Variants in PRKCB observed in about 807,000 individuals in gnomAD.
PRKCB encodes protein kinase C beta type.
PRKCB carries 13 observed loss-of-function variants against 81.5 expected under a neutral mutation model. The observed-to-expected ratio is 0.16, with a 90% confidence interval of 0.10 to 0.25. The LOEUF (loss-of-function observed/expected upper bound fraction) is 0.25, where lower values mean the gene tolerates loss of function less well. PRKCB is among the 10% of genes least tolerant of loss of function. PRKCB has a pLI of 1.00. For synonymous variants in PRKCB, 335 were observed against 321.4 expected (o/e 1.04, Z -0.45); for missense variants, 509 against 875.7 (o/e 0.58, Z 5.29).
chr16:24,029,854 G>T (rs533640876), intron 3 of PRKCB, among the ~76,000 whole-genome samples: 6 of 152,182 alleles, frequency 3.9e-5, no homozygotes, highest in Non-Finnish European at 5.9e-5. Context: ...ATCAGCCCTG[G>T]ATTGGAACCT....
In PRKCB at chr16:23,875,751, C is replaced by CAT. The variant is rs773766519; in HGVS notation, c.205+38350_205+38351dup. ...CACATATATATGTATGTATATCACA[C>CAT]ATATATGTATGTATATCACACATAT... On this transcript the variant is annotated intron_variant, in intron 2 of 16. Transcript: ENST00000643927. Among the ~76,000 whole-genome samples the CAT allele has an allele frequency of 3.4e-3, 331 of 95,996 alleles. 23 individuals are homozygous for CAT. In the East Asian group the frequency reaches 0.036, roughly 10 times the overall value. 63.0% of individuals were successfully genotyped at this position (95,996 alleles called of 152,430 possible).
chr16:23,854,937 A>G (rs1962538440), intron 2 of PRKCB, among the ~76,000 whole-genome samples: 1 of 152,146 alleles, frequency 6.6e-6, no homozygotes. Context: ...CCTACCTCCT[A>G]GGGAAATGGT....
intron 2 of PRKCB, among the ~76,000 whole-genome samples, chr16:23,982,631 G>A (rs1376739312): frequency 2.0e-5 from 3 of 151,852 alleles, no homozygotes; most frequent in African/African-American, 4.8e-5. Context: ...GTCTTGCCAT[G>A]TTGCCCAGGA....
chr16:23,963,994 G>A (rs2141793978), intron 2 of PRKCB, among the ~76,000 whole-genome samples: 1 of 152,200 alleles, frequency 6.6e-6, no homozygotes, highest in African/African-American at 2.4e-5. Flanking sequence ...ACAGTAGTAG[G>A]GCTAGACATT....
chr16:24,151,815 T>TAAA (rs1430949010), intron 9 of PRKCB: 1 of 456,012 alleles, frequency 2.2e-6, no homozygotes, highest in South Asian at 1.5e-5. Context: ...TGAAGCAAGT[T>TAAA]AATCTCCCTG....
rs377023584 is a variant in PRKCB at position 24,152,011 on chromosome 16, TTGGTTGGGGG to T, written c.1066-2672_1066-2663del. Among the ~76,000 whole-genome samples, 1,372 of 152,180 alleles carry T rather than the reference TTGGTTGGGGG, an allele frequency of 9.0e-3. 28 individuals carry two copies. The highest frequency in any genetic ancestry group is 0.031 in the African/African-American group (1,298 of 41,528). On this transcript the variant is annotated intron_variant, in intron 9 of 16. Transcript: ENST00000643927. ...GTCTAGGGCCCCTCCTTCTCTCGTT[TTGGTTGGGGG>T]AATGGGAGATAGTTGCAGATATTCA...
chr16:24,199,459 A>G (rs1246373048), intron 16 of PRKCB, among the ~76,000 whole-genome samples: 1 of 152,164 alleles, frequency 6.6e-6, no homozygotes, highest in Non-Finnish European at 1.5e-5. Flanking sequence ...GAATCCAGAA[A>G]GTGTAACCTT....
intron 5 of PRKCB, among the ~76,000 whole-genome samples, chr16:24,066,931 C>G (rs930439085): frequency 1.3e-5 from 2 of 152,122 alleles, no homozygotes; most frequent in Non-Finnish European, 2.9e-5. Context: ...CTCATTGCAG[C>G]CTTGAACTCC....
chr16:23,847,456 CCATCCATCCATCCAT>C (rs1476661511), intron 2 of PRKCB, among the ~76,000 whole-genome samples: 16 of 148,818 alleles, frequency 1.1e-4, no homozygotes, highest in Non-Finnish European at 6.0e-5. Context: ...ATCCATCCAT[CCATCCATCCATCCAT>C]CCATCCACCC....
chr16:24,219,901 A>G lies in PRKCB; in HGVS notation c.*5085A>G, dbSNP rs1968295558. 1 of 1,584,038 alleles carries G rather than the reference A, an allele frequency of 6.3e-7. No individual in the cohort carries two copies. The highest frequency in any genetic ancestry group is 8.6e-7 in the Non-Finnish European group (1 of 1,163,288). On this transcript the variant is annotated 3_prime_UTR_variant, in exon 17 of 17. Coordinates refer to ENST00000643927, the MANE Select transcript of PRKCB (RefSeq NM_002738.7). ...GTATCAGCCACCCAATGACTGGCGT[A>G]TCTTGGTCCTGTGTCTTTCTTCTTA...
At chr16:23,903,370 C>T (rs367868355) in intron 2 of PRKCB, among the ~76,000 whole-genome samples, 19 of 151,966 alleles carry the variant, frequency 1.3e-4, no homozygotes, top group African/African-American at 3.9e-4. Context: ...AGGTCTGCTC[C>T]GTACATCTGG....
At position 24,100,903 on chromosome 16, in the gene PRKCB, A is replaced by C. The variant is rs113444804; in HGVS notation, c.821+6606A>C. ...ATGCTGATTGGTGGGTTGAGAGTGA[A>C]ATCATAGGGGGTCAAAGCTGTCTTC... is the stretch of plus-strand genomic sequence containing the variant. On this transcript the variant is annotated intron_variant, in intron 7 of 16. Coordinates refer to ENST00000643927, the MANE Select transcript of PRKCB (RefSeq NM_002738.7). 2.3e-3 allele frequency among the ~76,000 whole-genome samples: 350 copies of C among 152,168 alleles called. 1 individual carries two copies. Among genetic ancestry groups the C allele is most frequent in the African/African-American group, 8.3e-3 (345 of 41,516 alleles).
rs1962990383 is a variant in PRKCB, at chr16:23,875,596, C to CATGTATGTATATCACACAT, written c.205+38192_205+38193insGTATGTATATCACACATAT. ...ATCAAACACATATGTATATCACACACATATGTATGTATATCACACACATAT... is the reference window on the plus strand; with the variant it reads ...ATCAAACACATATGTATATCACACACATGTATGTATATCACACATATATGTATGTATATCACACACATAT... On this transcript the variant is annotated intron_variant, in intron 2 of 16. Transcript: ENST00000643927. Among the ~76,000 whole-genome samples the CATGTATGTATATCACACAT allele has an allele frequency of 6.3e-5, 2 of 31,838 alleles. 1 individual carries two copies. The highest frequency in any genetic ancestry group is 2.6e-3 in the East Asian group (2 of 764). 20.9% of individuals were successfully genotyped at this position (31,838 alleles called of 152,430 possible).
At chr16:23,846,120 A>G (rs946125149) in intron 2 of PRKCB, among the ~76,000 whole-genome samples, 1 of 152,198 alleles carries the variant, frequency 6.6e-6, no homozygotes, top group African/African-American at 2.4e-5. Flanking sequence ...TAAGTAGTTT[A>G]ACAATAAACA....
At chr16:24,168,104 T>C (rs533960269) in intron 10 of PRKCB, among the ~76,000 whole-genome samples, 2 of 152,326 alleles carry the variant, frequency 1.3e-5, no homozygotes, top group African/African-American at 2.4e-5. Flanking sequence ...GTATGGAAGA[T>C]TTTTTTAAAT....
At chr16:23,885,453 C>T (rs1172388146) in intron 2 of PRKCB, among the ~76,000 whole-genome samples, 3 of 152,114 alleles carry the variant, frequency 2.0e-5, no homozygotes, top group Non-Finnish European at 4.4e-5. Flanking sequence ...AGGTTATAGG[C>T]GCCCGCCACC....
chr16:23,982,097 T>TTCCCTTCCTC (rs1567333928), intron 2 of PRKCB, among the ~76,000 whole-genome samples: 2 of 49,126 alleles, frequency 4.1e-5, no homozygotes, highest in African/African-American at 2.2e-4. Context: ...TCCCTTTCCT[T>TTCCCTTCCTC]TTCCCTTCCC....
chr16:23,988,675 T>C, intron 3 of PRKCB, 85 bp downstream of exon 3: 1 of 1,253,650 alleles, frequency 8.0e-7, no homozygotes. Context: ...CTTAGACGAG[T>C]AAGTGTGGAC....
chr16:24,180,992 G>C (rs1422359650), intron 13 of PRKCB, 64 bp downstream of exon 13: 1 of 1,584,946 alleles, frequency 6.3e-7, no homozygotes, highest in Non-Finnish European at 8.6e-7. Flanking sequence ...AGATGGCTGT[G>C]TGAGAGCTGG....
Sources: gnomAD v4.1 joint callset for allele counts (sites outside exome capture counted in the v4.1 genomes callset) on GRCh38, gnomAD v4.1.1 for gene constraint, MANE v1.5 for transcripts, NCBI Gene and HGNC (gene_info 2026-07-23, HGNC 2026-07-21) for gene names.